The following FOXO3 variants were observed in gnomAD, a reference collection of about 807,000 sequenced individuals.
FOXO3 encodes the protein forkhead box O3.
A neutral mutation model predicts 41.9 loss-of-function variants in FOXO3; 4 were observed. The observed-to-expected ratio is 0.10, with a 90% confidence interval of 0.05 to 0.22. The LOEUF (loss-of-function observed/expected upper bound fraction) is 0.22. Among genes scored for constraint, FOXO3 ranks in the 10% least tolerant of loss-of-function variants. FOXO3 has a pLI of 1.00. For missense variants in FOXO3, 534 were observed against 906.8 expected (o/e 0.59, Z 5.28); for synonymous variants, 318 against 389.3 (o/e 0.82, Z 2.16).
At chr6:108,625,352 G>A (rs1022014822) in intron 1 of FOXO3, among the ~76,000 whole-genome samples, 12 of 152,058 alleles carry the variant, frequency 7.9e-5, no homozygotes, top group African/African-American at 2.9e-4. Context: ...AGTTTTGTTA[G>A]GTCATTAGAT....
chr6:108,645,576 C>T (rs564049215), intron 1 of FOXO3, among the ~76,000 whole-genome samples: 4 of 151,912 alleles, frequency 2.6e-5, no homozygotes, highest in Non-Finnish European at 5.9e-5. Context: ...ATGGCCTCCA[C>T]ATGAGAACTT....
rs1415832829 is a variant in FOXO3, at chr6:108,561,471, T to A, written c.263T>A (p.Leu88Gln). ...AIGGGGGSGT[L>Q]GSGLLLEDSA... is the part of the protein sequence containing the mutation. ...GGCGGCGGCGGCGGGAGCGGCACGC[T>A]GGGCTCCGGGCTGCTCCTTGAGGAC... The change falls in exon 1 of 3, where the codon CTG becomes CAG. Residue 88 changes from leucine to glutamine, a missense_variant. This residue lies in a region of FOXO3 where 139 missense variants were observed against 163.7 expected (regional missense o/e 0.85). Transcript: ENST00000406360. The A allele has an allele frequency of 6.5e-7, 1 of 1,528,032 alleles. No individual in the cohort carries two copies. The highest frequency in any genetic ancestry group is 8.8e-7 in the Non-Finnish European group (1 of 1,140,442). The allele number at this position is 1,528,032 out of a possible 1,614,324, so 94.7% of individuals were successfully genotyped here. A position where few individuals can be genotyped will look rare whatever the true frequency, so the allele number is the denominator to read the frequency against.
intron 1 of FOXO3, among the ~76,000 whole-genome samples, chr6:108,655,430 TG>T (rs976721776): frequency 1.3e-5 from 2 of 152,218 alleles, no homozygotes; most frequent in African/African-American, 4.8e-5. Flanking sequence ...CTAAGGAGAC[TG>T]GGAATCATTA....
At chr6:108,658,378 G>A (rs1240333455) in intron 1 of FOXO3, among the ~76,000 whole-genome samples, 2 of 152,154 alleles carry the variant, frequency 1.3e-5, no homozygotes, top group Non-Finnish European at 2.9e-5. Context: ...GGAAAAACCT[G>A]TCTGAACTTT....
chr6:108,669,824 A>G (rs1372161974), intron 2 of FOXO3, among the ~76,000 whole-genome samples: 1 of 152,212 alleles, frequency 6.6e-6, no homozygotes, highest in Admixed American at 6.5e-5. Context: ...ACCTCTGGCC[A>G]GCCTGCTAAG....
At chr6:108,610,530 CCT>C (rs985743723) in intron 1 of FOXO3, among the ~76,000 whole-genome samples, 1 of 152,068 alleles carries the variant, frequency 6.6e-6, no homozygotes, top group Non-Finnish European at 1.5e-5. Context: ...TGTGTGTGCC[CCT>C]GTGTTTTGGT....
At chr6:108,597,324 A>G (rs553717441) in intron 1 of FOXO3, among the ~76,000 whole-genome samples, 10 of 152,312 alleles carry the variant, frequency 6.6e-5, no homozygotes, top group African/African-American at 2.4e-4. Context: ...TTAAATCCAG[A>G]AGCACACCAG....
chr6:108,638,825 G>T (rs992882696), intron 1 of FOXO3, among the ~76,000 whole-genome samples: 3 of 152,200 alleles, frequency 2.0e-5, no homozygotes, highest in African/African-American at 7.2e-5. Flanking sequence ...CTGTTTTTAG[G>T]TTAGAGGTCT....
intron 1 of FOXO3, among the ~76,000 whole-genome samples, chr6:108,613,509 A>C (rs956275050): frequency 1.3e-5 from 2 of 152,172 alleles, no homozygotes; most frequent in African/African-American, 4.8e-5. Flanking sequence ...TGTCTAATTT[A>C]TGGGCATAAA....
chr6:108,665,492 G>C (rs189395377), intron 2 of FOXO3, among the ~76,000 whole-genome samples: 24 of 152,180 alleles, frequency 1.6e-4, no homozygotes, highest in Admixed American at 1.6e-3. Flanking sequence ...TTAGTACTAA[G>C]CATCTTTATT....
intron 1 of FOXO3, among the ~76,000 whole-genome samples, chr6:108,570,131 C>T (rs1345204501): frequency 6.6e-6 from 1 of 151,072 alleles, no homozygotes; most frequent in Non-Finnish European, 1.5e-5. Flanking sequence ...TCCCAAGTAG[C>T]TGGGACTGCA....
upstream of FOXO3, chr6:108,559,871 G>C (rs912012566): frequency 6.6e-6 from 1 of 152,414 alleles, no homozygotes; most frequent in African/African-American, 2.4e-5. Context: ...CGGCGCGCGA[G>C]CTGACAGGCG....
At chr6:108,679,489 T>C (rs529223427) in intron 2 of FOXO3, among the ~76,000 whole-genome samples, 18 of 152,264 alleles carry the variant, frequency 1.2e-4, no homozygotes, top group African/African-American at 4.1e-4. Flanking sequence ...CAGAATCTTA[T>C]CTGCACCTTG....
intron 1 of FOXO3, among the ~76,000 whole-genome samples, chr6:108,654,934 A>G (rs1271301597): frequency 1.3e-5 from 2 of 152,178 alleles, no homozygotes; most frequent in African/African-American, 4.8e-5. Flanking sequence ...CTGATCTCAG[A>G]TACATTTTTA....
chr6:108,610,688 C>T (rs1777336015), intron 1 of FOXO3, among the ~76,000 whole-genome samples: 1 of 152,186 alleles, frequency 6.6e-6, no homozygotes, highest in African/African-American at 2.4e-5. Flanking sequence ...ATCGCCCACA[C>T]CTTTTGTTCC....
chr6:108,617,228 A>G (rs1293408690), intron 1 of FOXO3, among the ~76,000 whole-genome samples: 8 of 152,190 alleles, frequency 5.3e-5, no homozygotes, highest in Non-Finnish European at 1.2e-4. Flanking sequence ...CTGCACTGTT[A>G]TAATAGCTAG....
chr6:108,642,154 T>G (rs1778278208), intron 1 of FOXO3, among the ~76,000 whole-genome samples: 2 of 149,804 alleles, frequency 1.3e-5, no homozygotes, highest in South Asian at 4.2e-4. Context: ...AGAGGCACGA[T>G]CTCAACTTGT....
chr6:108,654,156 G>A (rs1275778513), intron 1 of FOXO3, among the ~76,000 whole-genome samples: 40 of 152,092 alleles, frequency 2.6e-4, no homozygotes, highest in African/African-American at 2.4e-5. Context: ...ATGCTGCAGG[G>A]AGTGGGTGTG....
chr6:108,571,393 T>TA, intron 1 of FOXO3, among the ~76,000 whole-genome samples: 1 of 152,302 alleles, frequency 6.6e-6, no homozygotes, highest in Non-Finnish European at 1.5e-5. Context: ...GAGGGTTAAA[T>TA]AGAGTTCCTC....
Sources: allele counts gnomAD v4.1 joint callset (sites outside exome capture counted in the v4.1 genomes callset), GRCh38; gene constraint gnomAD v4.1.1; regional missense constraint gnomAD v4.1.1; transcripts MANE v1.5; gene names NCBI Gene and HGNC (gene_info 2026-07-23, HGNC 2026-07-21).